Variants in BARX2 observed in about 807,000 individuals in gnomAD.
The protein encoded by BARX2 is BARX homeobox 2.
BARX2 carries 11 observed loss-of-function variants against 25.5 expected under a neutral mutation model. The ratio of observed to expected loss-of-function variants is 0.43; its 90% CI spans 0.27 to 0.71. The LOEUF (loss-of-function observed/expected upper bound fraction) is 0.71, where lower values mean the gene tolerates loss of function less well. Among genes scored for constraint, BARX2 ranks in the 30% least tolerant of loss-of-function variants. The pLI is 0.19. For synonymous variants in BARX2, 137 were observed against 149.5 expected (o/e 0.92, Z 0.61); for missense variants, 360 against 359.9 (o/e 1.00, Z 0.00).
At position 129,436,712 on chromosome 11, in the gene BARX2, C is replaced by T. The variant is rs200567063; in HGVS notation, c.188-39C>T. The T allele has an allele frequency of 1.3e-4, 192 of 1,529,898 alleles. No individual in the cohort carries two copies. In the African/African-American group the frequency reaches 1.9e-3, roughly 15 times the overall value. 94.8% of individuals were successfully genotyped at this position (1,529,898 alleles called of 1,614,324 possible). On this transcript the variant is annotated intron_variant, in intron 1 of 3. Transcript: ENST00000281437. This position sits in a 1 kb window ranked among gnomAD's most constrained non-coding sequence, Gnocchi z 4.5. ...CAGGTCCTGGCCTGCTTCCCCACAC[C>T]GTTCCCTGTGGTGACCTGCCTCCCT... is the stretch of plus-strand genomic sequence containing the variant.
intron 2 of BARX2, among the ~76,000 whole-genome samples, chr11:129,439,609 C>T (rs1480662070): frequency 6.6e-6 from 1 of 152,176 alleles, no homozygotes; most frequent in East Asian, 1.9e-4. Context: ...ACGCCATGAA[C>T]TGAAGTAGGA....
intron 2 of BARX2, among the ~76,000 whole-genome samples, chr11:129,441,692 C>T (rs1347251678): frequency 6.6e-6 from 1 of 152,142 alleles, no homozygotes; most frequent in African/African-American, 2.4e-5. Flanking sequence ...TCAGGTGATC[C>T]ACCCGCCTCG....
At chr11:129,388,446 T>C (rs1185552889) in intron 1 of BARX2, among the ~76,000 whole-genome samples, 2 of 152,218 alleles carry the variant, frequency 1.3e-5, no homozygotes, top group African/African-American at 4.8e-5. Flanking sequence ...TTCCATCAGC[T>C]GTCATTCTTT....
intron 1 of BARX2, among the ~76,000 whole-genome samples, chr11:129,383,745 A>G (rs1861591626): frequency 1.3e-5 from 2 of 152,168 alleles, no homozygotes; most frequent in African/African-American, 4.8e-5. Context: ...CAAACTAACT[A>G]CGTTCCATGT....
intron 1 of BARX2, among the ~76,000 whole-genome samples, chr11:129,417,122 C>T (rs1311375372): frequency 3.3e-5 from 5 of 152,122 alleles, no homozygotes; most frequent in Non-Finnish European, 2.9e-5. Context: ...AGGATGGTCT[C>T]GAACTCCTGA....
intron 1 of BARX2, among the ~76,000 whole-genome samples, chr11:129,434,898 T>C (rs894743989): frequency 3.3e-5 from 5 of 152,236 alleles, no homozygotes; most frequent in Admixed American, 3.3e-4. Flanking sequence ...AAAAAAATAT[T>C]TAACTCTCTT....
chr11:129,424,042 G>C (rs1170245021), intron 1 of BARX2, among the ~76,000 whole-genome samples: 1 of 152,104 alleles, frequency 6.6e-6, no homozygotes, highest in African/African-American at 2.4e-5. Flanking sequence ...TAGAGACAGG[G>C]TTTCACTATA....
At chr11:129,384,349 GATGAAATTTC>G (rs551239711) in intron 1 of BARX2, among the ~76,000 whole-genome samples, 65 of 152,038 alleles carry the variant, frequency 4.3e-4, no homozygotes, top group Non-Finnish European at 7.8e-4. Flanking sequence ...TCTTGGGCCT[GATGAAATTTC>G]ATGAAATAGT....
intron 3 of BARX2, among the ~76,000 whole-genome samples, chr11:129,450,099 G>A (rs559724851): frequency 1.3e-5 from 2 of 152,190 alleles, no homozygotes; most frequent in Admixed American, 1.3e-4. Context: ...ATTAGAAAAC[G>A]GACACTCAGG....
chr11:129,391,749 G>T (rs1861668069), intron 1 of BARX2, among the ~76,000 whole-genome samples: 1 of 152,136 alleles, frequency 6.6e-6, no homozygotes, highest in Admixed American at 6.5e-5. Flanking sequence ...GGAGAGGGGG[G>T]TCAAAAATAT....
intron 1 of BARX2, among the ~76,000 whole-genome samples, chr11:129,435,455 G>A (rs930760682): frequency 6.6e-6 from 1 of 152,254 alleles, no homozygotes; most frequent in Non-Finnish European, 1.5e-5. Flanking sequence ...GAGAGCTGGA[G>A]CACAGGTAGT....
chr11:129,418,322 G>C (rs1042204736), intron 1 of BARX2, among the ~76,000 whole-genome samples: 10 of 152,192 alleles, frequency 6.6e-5, no homozygotes, highest in African/African-American at 2.4e-4. Context: ...CTGCCCACGG[G>C]TGTGGCTTGG....
chr11:129,445,089 C>T (rs1862309251), intron 3 of BARX2, among the ~76,000 whole-genome samples: 1 of 152,156 alleles, frequency 6.6e-6, no homozygotes, highest in Non-Finnish European at 1.5e-5. Flanking sequence ...GTTAAATAGT[C>T]TTCCAAAAAC....
At chr11:129,402,454 ATGAG>A (rs1434555817) in intron 1 of BARX2, among the ~76,000 whole-genome samples, 1 of 152,212 alleles carries the variant, frequency 6.6e-6, no homozygotes. Flanking sequence ...GAATGCATAA[ATGAG>A]TGAGTGAATG....
chr11:129,443,980 T>C (rs1591449107), intron 3 of BARX2, among the ~76,000 whole-genome samples: 1 of 152,158 alleles, frequency 6.6e-6, no homozygotes, highest in East Asian at 1.9e-4. Flanking sequence ...ATGCCATGCC[T>C]TCATGATGAC....
At chr11:129,435,666 G>T (rs114641427) in intron 1 of BARX2, among the ~76,000 whole-genome samples, 2 of 152,178 alleles carry the variant, frequency 1.3e-5, no homozygotes, top group African/African-American at 4.8e-5. Context: ...GTATATTAGA[G>T]TTTGAAGGAT....
At chr11:129,420,649 G>T (rs1197831971) in intron 1 of BARX2, among the ~76,000 whole-genome samples, 1 of 152,224 alleles carries the variant, frequency 6.6e-6, no homozygotes, top group East Asian at 1.9e-4. Context: ...GGAATATCAG[G>T]TAAGTAAATA....
chr11:129,445,330 T>TATC lies in BARX2; in HGVS notation c.573+2413_573+2415dup, dbSNP rs777845406. Among the ~76,000 whole-genome samples, 289 of 152,298 alleles carry TATC rather than the reference T, an allele frequency of 1.9e-3. 1 individual carries two copies. Among genetic ancestry groups the TATC allele is most frequent in the Non-Finnish European group, 3.0e-3 (204 of 68,026 alleles). ...TAGCAGAGGCATTGTTTAAATTGGT[T>TATC]ATCAGCAATCTTTTCGTGAGTCAGA... is the stretch of plus-strand genomic sequence containing the variant. On this transcript the variant is annotated intron_variant, in intron 3 of 3. Coordinates refer to ENST00000281437, the MANE Select transcript of BARX2 (RefSeq NM_003658.5).
intron 1 of BARX2, among the ~76,000 whole-genome samples, chr11:129,408,431 T>C (rs1226140990): frequency 1.3e-5 from 2 of 152,178 alleles, no homozygotes; most frequent in Non-Finnish European, 2.9e-5. Flanking sequence ...CCCTAGAAGA[T>C]AGCCATTAAT....
Sources: allele counts gnomAD v4.1 joint callset (sites outside exome capture counted in the v4.1 genomes callset), GRCh38; gene constraint gnomAD v4.1.1; non-coding constraint Gnocchi (gnomAD v3.1); transcripts MANE v1.5; gene names NCBI Gene and HGNC (gene_info 2026-07-23, HGNC 2026-07-21).